CPNE4: variants seen among roughly 807,000 people sequenced by gnomAD.
The protein encoded by CPNE4 is copine-4.
Under a neutral mutation model 67.9 loss-of-function variants are expected in CPNE4, and 25 were observed. That is an observed-to-expected ratio of 0.37 (90% confidence interval 0.27 to 0.51). CPNE4 has a LOEUF of 0.51. CPNE4 is among the 20% of genes least tolerant of loss of function. The pLI, the probability that CPNE4 is intolerant of heterozygous loss-of-function variation, is 0.93. For missense variants in CPNE4, 464 were observed against 690.8 expected, an observed-to-expected ratio of 0.67 and a Z score of 3.68; for synonymous variants, 242 against 244.9, an observed-to-expected ratio of 0.99 and a Z score of 0.11.
At chr3:131,784,928 A>G (rs2083518614) in intron 2 of CPNE4, among the ~76,000 whole-genome samples, 1 of 152,138 alleles carries the variant, frequency 6.6e-6, no homozygotes, top group Admixed American at 6.6e-5. Flanking sequence ...ATTTCACATG[A>G]AGACTGTAGA....
At chr3:131,622,333 T>TA (rs886993855) in intron 7 of CPNE4, among the ~76,000 whole-genome samples, 167 of 152,324 alleles carry the variant, frequency 1.1e-3, no homozygotes, top group African/African-American at 3.8e-3. Context: ...TATACTACAC[T>TA]AGGAAGAATG....
intron 15 of CPNE4, among the ~76,000 whole-genome samples, chr3:131,537,957 G>A (rs1258518196): frequency 1.3e-5 from 2 of 152,032 alleles, no homozygotes; most frequent in East Asian, 1.9e-4. Context: ...GGGACTGTCC[G>A]GTGCACTGCA....
At chr3:131,698,245 AAAAAAAAAG>A (rs2081205310) in intron 4 of CPNE4, among the ~76,000 whole-genome samples, 1 of 149,852 alleles carries the variant, frequency 6.7e-6, no homozygotes, top group Non-Finnish European at 1.5e-5. Flanking sequence ...AAAAAAAAAA[AAAAAAAAAG>A]AAAGAAAAGA....
At chr3:132,003,570 C>T (rs974278025) in intron 1 of CPNE4, among the ~76,000 whole-genome samples, 13 of 103,150 alleles carry the variant, frequency 1.3e-4, no homozygotes, top group African/African-American at 4.1e-4. Flanking sequence ...GCCATCTTCA[C>T]CACCTGCTTC....
chr3:132,014,188 C>A (rs2107680747), intron 1 of CPNE4, among the ~76,000 whole-genome samples: 1 of 152,218 alleles, frequency 6.6e-6, no homozygotes. Context: ...TAAAGAAAGC[C>A]CCTCCTTCAA....
intron 1 of CPNE4, among the ~76,000 whole-genome samples, chr3:132,007,155 A>G (rs114926958): frequency 0.041 from 6,267 of 152,240 alleles, 172 homozygotes; most frequent in Middle Eastern, 0.085. Context: ...TAAGAGTATG[A>G]TGTTGTTCTA....
chr3:131,693,026 A>G (rs1391227505), intron 5 of CPNE4, among the ~76,000 whole-genome samples: 2 of 152,212 alleles, frequency 1.3e-5, no homozygotes, highest in Admixed American at 6.6e-5. Context: ...AGTGAATTGC[A>G]TTAACATTAG....
chr3:131,941,350 A>G (rs2071381046), intron 1 of CPNE4, among the ~76,000 whole-genome samples: 1 of 152,122 alleles, frequency 6.6e-6, no homozygotes, highest in Non-Finnish European at 1.5e-5. Flanking sequence ...GGAAAGAAAT[A>G]TTATATTTAA....
chr3:131,593,023 T>A (rs1938629533), intron 7 of CPNE4, among the ~76,000 whole-genome samples: 1 of 152,224 alleles, frequency 6.6e-6, no homozygotes, highest in Admixed American at 6.5e-5. Context: ...CTTTTTGTGA[T>A]GGTCAGCTTC....
Position 132,034,854 on chromosome 3 carries a change from G to A in CPNE4, c.-289C>T. ...TGAAAATGTTGGAGATGTCAGGTCG[G>A]CTCTCAGTTAACTCGGAGAGTAAAG... On this transcript the variant is annotated 5_prime_UTR_variant, in exon 1 of 16. Coordinates refer to ENST00000429747, the MANE Select transcript of CPNE4 (RefSeq NM_130808.3). The A allele has an allele frequency of 1.0e-6, 1 of 985,448 alleles. No individual in the cohort carries two copies. The allele number at this position is 985,448 out of a possible 1,614,324, so 61.0% of individuals were successfully genotyped here. A position where few individuals can be genotyped will look rare whatever the true frequency, so the allele number is the denominator to read the frequency against.
intron 2 of CPNE4, among the ~76,000 whole-genome samples, chr3:131,801,231 T>C (rs1383748786): frequency 6.6e-6 from 1 of 151,398 alleles, no homozygotes; most frequent in East Asian, 1.9e-4. Context: ...TACCTGGAAT[T>C]TTCTAAAAAG....
chr3:132,011,071 C>T (rs1214583020), intron 1 of CPNE4, among the ~76,000 whole-genome samples: 4 of 152,144 alleles, frequency 2.6e-5, no homozygotes, highest in African/African-American at 9.6e-5. Context: ...AACTGAAGCT[C>T]AGAAACGGGA....
intron 7 of CPNE4, among the ~76,000 whole-genome samples, chr3:131,622,033 A>G (rs1011936852): frequency 5.9e-5 from 9 of 151,486 alleles, no homozygotes; most frequent in Non-Finnish European, 7.4e-5. Flanking sequence ...AAAAAAAAAA[A>G]AAAAAAGAAA....
intron 2 of CPNE4, among the ~76,000 whole-genome samples, chr3:131,858,189 A>T (rs2086525935): frequency 6.6e-6 from 1 of 152,144 alleles, no homozygotes; most frequent in Non-Finnish European, 1.5e-5. Context: ...TAAGGAGTGA[A>T]AAAAGGTTGA....
intron 7 of CPNE4, among the ~76,000 whole-genome samples, chr3:131,588,163 T>C (rs984558097): frequency 1.3e-5 from 2 of 152,164 alleles, no homozygotes; most frequent in Admixed American, 6.5e-5. Context: ...GGTTGGAAAA[T>C]AGTGCACAGA....
intron 1 of CPNE4, among the ~76,000 whole-genome samples, chr3:132,027,689 C>G (rs911325805): frequency 1.2e-5 from 1 of 82,284 alleles, no homozygotes; most frequent in East Asian, 2.3e-4. Context: ...AGGTGCAAAA[C>G]TCCTTGACTT....
chr3:131,805,309 T>C (rs896159372), intron 2 of CPNE4, among the ~76,000 whole-genome samples: 3 of 152,190 alleles, frequency 2.0e-5, no homozygotes, highest in African/African-American at 4.8e-5. Context: ...GTGCTTCCCA[T>C]GTTTGTGGCA....
chr3:131,978,827 T>C (rs1043540182), intron 1 of CPNE4, among the ~76,000 whole-genome samples: 2 of 151,666 alleles, frequency 1.3e-5, no homozygotes, highest in African/African-American at 4.8e-5. Flanking sequence ...TGTAGGCCTT[T>C]AGGGCTATGA....
chr3:132,027,288 C>T (rs7629270), intron 1 of CPNE4, among the ~76,000 whole-genome samples: 102,063 of 152,014 alleles, frequency 0.67, 35,064 homozygotes, highest in South Asian at 0.75. Flanking sequence ...AGGCCACCAA[C>T]GAGCTTGAGC....
Sources: allele counts gnomAD v4.1 joint callset (sites outside exome capture counted in the v4.1 genomes callset), GRCh38; gene constraint gnomAD v4.1.1; transcripts MANE v1.5; gene names NCBI Gene and HGNC (gene_info 2026-07-23, HGNC 2026-07-21).